The following ATP8A2 variants were observed in gnomAD, a reference collection of about 807,000 sequenced individuals.
ATP8A2 encodes the protein ATPase phospholipid transporting 8A2, also known as phospholipid-transporting ATPase IB.
In ATP8A2, 100 loss-of-function variants were observed where a neutral mutation model predicts 165.6. The ratio of observed to expected loss-of-function variants is 0.60; its 90% CI spans 0.51 to 0.71. The LOEUF (loss-of-function observed/expected upper bound fraction) is 0.71. Ranked by LOEUF, ATP8A2 falls within the 30% of genes least tolerant of loss-of-function variation. The pLI is 0.00. For synonymous variants in ATP8A2, 543 were observed against 548.8 expected (o/e 0.99, Z 0.15); for missense variants, 1,227 against 1,479.5 (o/e 0.83, Z 2.80).
intron 2 of ATP8A2, among the ~76,000 whole-genome samples, chr13:25,473,183 G>A (rs751011416): frequency 7.2e-5 from 11 of 152,158 alleles, no homozygotes; most frequent in Non-Finnish European, 8.8e-5. Context: ...GGGAGGGACT[G>A]TGCTATGTAT....
chr13:26,013,245 T>G (rs2139360952), intron 36 of ATP8A2, among the ~76,000 whole-genome samples: 1 of 152,226 alleles, frequency 6.6e-6, no homozygotes, highest in Non-Finnish European at 1.5e-5. Flanking sequence ...AACCCAGCCC[T>G]GCCTCTCTGT....
intron 24 of ATP8A2, among the ~76,000 whole-genome samples, chr13:25,643,163 G>T (rs923418190): frequency 5.3e-5 from 8 of 152,144 alleles, no homozygotes; most frequent in Non-Finnish European, 1.2e-4. Context: ...GTATACATAT[G>T]TAACAAACCT....
At chr13:25,837,758 A>G (rs1951654739) in intron 29 of ATP8A2, among the ~76,000 whole-genome samples, 1 of 152,146 alleles carries the variant, frequency 6.6e-6, no homozygotes, top group East Asian at 1.9e-4. Flanking sequence ...AATTGACTAG[A>G]TATGAACTCA....
chr13:25,404,293 C>T (rs1430443342), intron 1 of ATP8A2, among the ~76,000 whole-genome samples: 1 of 152,064 alleles, frequency 6.6e-6, no homozygotes, highest in Non-Finnish European at 1.5e-5. Context: ...TGTGTGAGAG[C>T]TGGGGAGGAG....
At chr13:25,979,267 T>C (rs187876445) in intron 35 of ATP8A2, among the ~76,000 whole-genome samples, 1 of 152,130 alleles carries the variant, frequency 6.6e-6, no homozygotes, top group Non-Finnish European at 1.5e-5. Flanking sequence ...CATTTAGCAA[T>C]AGATTTATTG....
At position 25,968,697 on chromosome 13, in the gene ATP8A2, A is replaced by T; in HGVS notation, c.3377+18A>T. ...GGAAAGAGGTGGGGAACTCCGTCCC[A>T]GTCCGCACAGAACACAGGTGCTCCC... On this transcript the variant is annotated intron_variant, in intron 35 of 36. Transcript: ENST00000381655. 1 of 1,588,376 alleles carries T rather than the reference A, an allele frequency of 6.3e-7. No homozygotes were observed. The highest frequency in any genetic ancestry group is 8.6e-7 in the Non-Finnish European group (1 of 1,158,786).
chr13:25,440,017 C>T (rs2034888730), intron 1 of ATP8A2, among the ~76,000 whole-genome samples: 1 of 152,106 alleles, frequency 6.6e-6, no homozygotes, highest in African/African-American at 2.4e-5. Flanking sequence ...AGAAGGTTAA[C>T]AAGGGAGAAG....
At chr13:25,897,393 G>C (rs1213586302) in intron 33 of ATP8A2, among the ~76,000 whole-genome samples, 1 of 152,156 alleles carries the variant, frequency 6.6e-6, no homozygotes, top group East Asian at 1.9e-4. Context: ...AGTTTCTGCC[G>C]AGACATCAGC....
chr13:25,768,139 C>T (rs376405455), intron 25 of ATP8A2, among the ~76,000 whole-genome samples: 12 of 152,074 alleles, frequency 7.9e-5, no homozygotes, highest in South Asian at 2.1e-4. Context: ...CTGTAAATCC[C>T]GCAAATCAAG....
At chr13:25,707,764 T>G (rs1295625166) in intron 25 of ATP8A2, among the ~76,000 whole-genome samples, 1 of 152,242 alleles carries the variant, frequency 6.6e-6, no homozygotes, top group Non-Finnish European at 1.5e-5. Flanking sequence ...ATAGTAGACC[T>G]ACTTTTCCTA....
intron 24 of ATP8A2, among the ~76,000 whole-genome samples, chr13:25,603,350 G>A (rs548901884): frequency 6.6e-6 from 1 of 151,974 alleles, no homozygotes; most frequent in Non-Finnish European, 1.5e-5. Context: ...AATTTAGCCA[G>A]TGTGGTGGTG....
intron 10 of ATP8A2, among the ~76,000 whole-genome samples, chr13:25,545,476 C>T (rs1296884644): frequency 6.6e-6 from 1 of 151,740 alleles, no homozygotes; most frequent in East Asian, 1.9e-4. Flanking sequence ...AGTTTGAGAC[C>T]AGCCTGGGTG....
At position 25,447,181 on chromosome 13, in the gene ATP8A2, T is replaced by C. The variant is rs75331418; in HGVS notation, c.77-21796T>C. Among the ~76,000 whole-genome samples, 754 of 152,308 alleles carry C rather than the reference T, an allele frequency of 5.0e-3. 10 individuals carry two copies. The highest frequency in any genetic ancestry group is 0.017 in the African/African-American group (720 of 41,564). ...CAGTAAAATAGCAGAGATATTTAGG[T>C]TTTGACAAATAATTTTTGGGGGGTT... On this transcript the variant is annotated intron_variant, in intron 1 of 36. Transcript: ENST00000381655.
At chr13:25,498,948 A>T (rs544849509) in intron 2 of ATP8A2, among the ~76,000 whole-genome samples, 1 of 152,186 alleles carries the variant, frequency 6.6e-6, no homozygotes, top group Non-Finnish European at 1.5e-5. Context: ...GAGACTGTTT[A>T]TATACAGAGT....
chr13:25,608,625 G>A (rs1163175442), intron 24 of ATP8A2, among the ~76,000 whole-genome samples: 1 of 152,152 alleles, frequency 6.6e-6, no homozygotes, highest in Non-Finnish European at 1.5e-5. Flanking sequence ...ATATGCTGTA[G>A]GTGTCACCTA....
chr13:25,407,059 G>A (rs1263565620), intron 1 of ATP8A2, among the ~76,000 whole-genome samples: 1 of 152,220 alleles, frequency 6.6e-6, no homozygotes, highest in Non-Finnish European at 1.5e-5. Context: ...AGATACCACG[G>A]TTGGGTTGAA....
intron 10 of ATP8A2, among the ~76,000 whole-genome samples, chr13:25,544,632 T>C (rs1593502267): frequency 1.3e-5 from 2 of 152,262 alleles, no homozygotes; most frequent in African/African-American, 4.8e-5. Flanking sequence ...GTTTCTAGCA[T>C]GGGAGACCTG....
intron 35 of ATP8A2, among the ~76,000 whole-genome samples, chr13:25,991,428 T>C (rs1246458538): frequency 2.0e-5 from 3 of 152,116 alleles, no homozygotes; most frequent in African/African-American, 7.2e-5. Flanking sequence ...ACACAAAACA[T>C]ACCCATCACC....
chr13:25,991,607 T>C (rs1331516031), intron 35 of ATP8A2, among the ~76,000 whole-genome samples: 1 of 152,258 alleles, frequency 6.6e-6, no homozygotes, highest in East Asian at 1.9e-4. Context: ...GTGTAACCTT[T>C]TGTTAGTGAC....
Sources: allele counts gnomAD v4.1 joint callset (sites outside exome capture counted in the v4.1 genomes callset), GRCh38; gene constraint gnomAD v4.1.1; transcripts MANE v1.5; gene names NCBI Gene and HGNC (gene_info 2026-07-23, HGNC 2026-07-21).